The following TNFAIP8L3 variants were observed in gnomAD, a reference collection of about 807,000 sequenced individuals.
TNFAIP8L3 encodes TNF alpha induced protein 8 like 3, also known as tumor necrosis factor alpha-induced protein 8-like protein 3.
In TNFAIP8L3, 7 loss-of-function variants were observed where a neutral mutation model predicts 11.8. That is an observed-to-expected ratio of 0.59 (90% CI 0.34 to 1.11). The LOEUF (loss-of-function observed/expected upper bound fraction) is 1.11. Among genes scored for constraint, TNFAIP8L3 ranks in the 50% most tolerant of loss-of-function variants. TNFAIP8L3 has a pLI of 0.03. For missense variants in TNFAIP8L3, 219 were observed against 258.6 expected (o/e 0.85, Z 1.05); for synonymous variants, 98 against 103.8 (o/e 0.94, Z 0.34).
intron 1 of TNFAIP8L3, among the ~76,000 whole-genome samples, chr15:51,077,880 A>AT (rs1174655204): frequency 6.6e-6 from 1 of 151,732 alleles, no homozygotes; most frequent in East Asian, 1.9e-4. Context: ...AGGACCACTT[A>AT]TTTTTTTCTC....
chr15:51,059,375 T>G (rs371546514), intron 1 of TNFAIP8L3, among the ~76,000 whole-genome samples: 9 of 152,234 alleles, frequency 5.9e-5, no homozygotes, highest in African/African-American at 2.2e-4. Context: ...AAATTCTAAC[T>G]AATAAGAAAG....
chr15:51,058,539 T>G, intron 1 of TNFAIP8L3, 96 bp from the exon 2 acceptor site: 2 of 1,174,582 alleles, frequency 1.7e-6, no homozygotes, highest in Non-Finnish European at 1.2e-6. Context: ...CTTATGTTCT[T>G]AGAGCAAAAA....
intron 1 of TNFAIP8L3, among the ~76,000 whole-genome samples, chr15:51,067,748 TA>T: frequency 6.6e-6 from 1 of 152,342 alleles, no homozygotes; most frequent in East Asian, 1.9e-4. Flanking sequence ...CTAACTAAAC[TA>T]GCCCTTGCAA....
intron 1 of TNFAIP8L3, among the ~76,000 whole-genome samples, chr15:51,090,038 C>T (rs77259253): frequency 0.022 from 3,320 of 152,284 alleles, 145 homozygotes; most frequent in African/African-American, 0.077. Flanking sequence ...CACAGTGCCT[C>T]AAAACTAATG....
chr15:51,084,112 A>C (rs534891752), intron 1 of TNFAIP8L3, among the ~76,000 whole-genome samples: 3 of 152,028 alleles, frequency 2.0e-5, no homozygotes, highest in Non-Finnish European at 4.4e-5. Context: ...AAAAAATCTC[A>C]AGTGTTTACG....
At chr15:51,077,502 G>T (rs1477011012) in intron 1 of TNFAIP8L3, among the ~76,000 whole-genome samples, 2 of 152,164 alleles carry the variant, frequency 1.3e-5, no homozygotes, top group East Asian at 3.9e-4. Flanking sequence ...TTATGCAAGG[G>T]GGCCTAGTCA....
intron 1 of TNFAIP8L3, among the ~76,000 whole-genome samples, chr15:51,104,752 C>G (rs1384272641): frequency 6.6e-6 from 1 of 152,218 alleles, no homozygotes; most frequent in African/African-American, 2.4e-5. Context: ...TTCCTGGAAC[C>G]CACATCCTCT....
intron 1 of TNFAIP8L3, among the ~76,000 whole-genome samples, chr15:51,090,800 A>G (rs2040551391): frequency 6.6e-6 from 1 of 152,106 alleles, no homozygotes; most frequent in Admixed American, 6.5e-5. Flanking sequence ...TCACATGGAA[A>G]TGCTTTTCTG....
intron 1 of TNFAIP8L3, among the ~76,000 whole-genome samples, chr15:51,101,994 A>G (rs1355784305): frequency 6.6e-6 from 1 of 152,010 alleles, no homozygotes; most frequent in Non-Finnish European, 1.5e-5. Flanking sequence ...AATAAGTAAA[A>G]TATTTTCCTA....
Position 51,057,709 on chromosome 15 carries a change from A to G in TNFAIP8L3, c.*172T>C, listed in dbSNP as rs979988917. The stretch of plus-strand genomic sequence containing the variant: ...GTAGAAACCTTGCTAGAAAGCTTGG[A>G]AGAAAAACACACCTGAGCTCAGTTC... On this transcript the variant is annotated 3_prime_UTR_variant, in exon 2 of 2. Coordinates refer to ENST00000637513, the MANE Select transcript of TNFAIP8L3 (RefSeq NM_001311175.2). 6.6e-6 allele frequency: 4 copies of G among 603,882 alleles called. No individual in the cohort carries two copies. The highest frequency in any genetic ancestry group is 5.5e-6 in the Non-Finnish European group (2 of 362,872). The allele number at this position is 603,882 out of a possible 1,614,324, so 37.4% of individuals were successfully genotyped here. A position where few individuals can be genotyped will look rare whatever the true frequency, so the allele number is the denominator to read the frequency against.
chr15:51,085,419 G>C (rs762125078), intron 1 of TNFAIP8L3, among the ~76,000 whole-genome samples: 15 of 152,186 alleles, frequency 9.9e-5, no homozygotes, highest in African/African-American at 1.7e-4. Context: ...AAGTGGGCCT[G>C]ACCCAAGGGA....
chr15:51,083,532 G>A (rs2065406534), intron 1 of TNFAIP8L3, among the ~76,000 whole-genome samples: 1 of 152,244 alleles, frequency 6.6e-6, no homozygotes, highest in Admixed American at 6.5e-5. Context: ...TGGACCCCCT[G>A]CCAGCCAGCG....
chr15:51,097,855 G>A (rs542152695), upstream of TNFAIP8L3, among the ~76,000 whole-genome samples: 1 of 45,834 alleles, frequency 2.2e-5, no homozygotes, highest in African/African-American at 6.6e-5. Flanking sequence ...TATTTCTTGT[G>A]GGGGGGGAAA....
At chr15:51,100,046 C>T (rs547199653) in intron 1 of TNFAIP8L3, among the ~76,000 whole-genome samples, 1 of 152,302 alleles carries the variant, frequency 6.6e-6, no homozygotes, top group East Asian at 1.9e-4. Context: ...AACATGGGTT[C>T]CTTACCATGT....
intron 1 of TNFAIP8L3, among the ~76,000 whole-genome samples, chr15:51,085,600 A>G (rs1206950960): frequency 2.6e-5 from 4 of 151,846 alleles, no homozygotes; most frequent in Admixed American, 2.6e-4. Flanking sequence ...TGATATCTCA[A>G]TACCTGGAAT....
chr15:51,069,930 T>C (rs534441665), intron 1 of TNFAIP8L3, among the ~76,000 whole-genome samples: 5 of 152,324 alleles, frequency 3.3e-5, no homozygotes, highest in East Asian at 3.9e-4. Context: ...ATTTGAAACA[T>C]TAAAGGCCTC....
chr15:51,083,609 G>A (rs1056508019), intron 1 of TNFAIP8L3, among the ~76,000 whole-genome samples: 11 of 152,236 alleles, frequency 7.2e-5, no homozygotes, highest in Non-Finnish European at 1.2e-4. Flanking sequence ...CCACGGGTGC[G>A]TTTAGACTGG....
At chr15:51,068,565 A>G (rs2065286725) in intron 1 of TNFAIP8L3, among the ~76,000 whole-genome samples, 1 of 152,076 alleles carries the variant, frequency 6.6e-6, no homozygotes, top group Non-Finnish European at 1.5e-5. Flanking sequence ...TTAGCTGGTT[A>G]AAGTGGATTC....
At chr15:51,069,665 C>T (rs1195201346) in intron 1 of TNFAIP8L3, 1 of 152,172 alleles carries the variant, frequency 6.6e-6, no homozygotes, top group Non-Finnish European at 1.5e-5. Flanking sequence ...ACAGATTACG[C>T]ACATGAGGTG....
Sources: allele counts gnomAD v4.1 joint callset (sites outside exome capture counted in the v4.1 genomes callset), GRCh38; gene constraint gnomAD v4.1.1; transcripts MANE v1.5; gene names NCBI Gene and HGNC (gene_info 2026-07-23, HGNC 2026-07-21).